The following SLC39A9 variants were observed in gnomAD, a reference collection of about 807,000 sequenced individuals.
SLC39A9 encodes solute carrier family 39 member 9, also known as zinc transporter ZIP9.
SLC39A9 carries 14 observed loss-of-function variants against 28.4 expected under a neutral mutation model. The observed-to-expected ratio is 0.49, with a 90% CI of 0.33 to 0.77. The LOEUF (loss-of-function observed/expected upper bound fraction) is 0.77, where lower values mean the gene tolerates loss of function less well. Ranked by LOEUF, SLC39A9 falls within the 30% of genes least tolerant of loss-of-function variation. The pLI, the probability that SLC39A9 is intolerant of heterozygous loss-of-function variation, is 0.02. For missense variants in SLC39A9, 283 were observed against 381.1 expected (o/e 0.74, Z 2.14); for synonymous variants, 119 against 149.6 (o/e 0.80, Z 1.49).
intron 5 of SLC39A9, 61 bp downstream of exon 5, chr14:69,454,958 G>A (rs1279761201): frequency 1.8e-5 from 23 of 1,243,638 alleles, no homozygotes; most frequent in Admixed American, 7.8e-5. Flanking sequence ...AATTTCTCAT[G>A]GTCCTTAATG....
intron 1 of SLC39A9, among the ~76,000 whole-genome samples, chr14:69,402,621 T>G (rs1385359726): frequency 6.6e-6 from 1 of 152,184 alleles, no homozygotes; most frequent in African/African-American, 2.4e-5. Context: ...TTGATACTTT[T>G]GTGGCCTTCT....
At chr14:69,401,432 G>A (rs1051558980) in intron 1 of SLC39A9, among the ~76,000 whole-genome samples, 1 of 152,204 alleles carries the variant, frequency 6.6e-6, no homozygotes, top group Admixed American at 6.5e-5. Flanking sequence ...ACATGTGTGA[G>A]ATTTGGGTTG....
intron 1 of SLC39A9, among the ~76,000 whole-genome samples, chr14:69,408,787 T>C (rs1045459783): frequency 2.0e-5 from 3 of 152,298 alleles, no homozygotes; most frequent in African/African-American, 4.8e-5. Context: ...AGTTACAGCA[T>C]GGCAGTGGGG....
chr14:69,437,875 T>A (rs575448201), intron 2 of SLC39A9, among the ~76,000 whole-genome samples: 30 of 151,894 alleles, frequency 2.0e-4, no homozygotes, highest in African/African-American at 6.5e-4. Flanking sequence ...CTCAAAAAAA[T>A]CTGTGAAGTA....
In SLC39A9 at chr14:69,458,851, A is replaced by G. The variant is rs960207285; in HGVS notation, c.*258A>G. 8.2e-7 allele frequency: 1 copy of G among 1,220,924 alleles called. No homozygotes were observed. The highest frequency in any genetic ancestry group is 1.0e-6 in the Non-Finnish European group (1 of 977,382). 75.6% of individuals were successfully genotyped at this position (1,220,924 alleles called of 1,614,324 possible). ...GGCCCTTGACATTTTGCGTTTTAAT[A>G]TTTCTCTTAACCCTATTCTCAGGGA... On this transcript the variant is annotated 3_prime_UTR_variant, in exon 7 of 7. Transcript: ENST00000336643.
chr14:69,413,703 T>C (rs981020385), intron 1 of SLC39A9, among the ~76,000 whole-genome samples: 2 of 152,186 alleles, frequency 1.3e-5, no homozygotes, highest in African/African-American at 4.8e-5. Flanking sequence ...AAAGGTTGCA[T>C]GAATATCATC....
chr14:69,441,122 T>A (rs1055360859), intron 2 of SLC39A9, among the ~76,000 whole-genome samples: 2 of 152,044 alleles, frequency 1.3e-5, no homozygotes, highest in Admixed American at 6.5e-5. Context: ...TACAAAAAAA[T>A]TTTCAAATTA....
At chr14:69,403,974 C>T (rs1018106843) in intron 1 of SLC39A9, among the ~76,000 whole-genome samples, 13 of 152,094 alleles carry the variant, frequency 8.5e-5, no homozygotes, top group South Asian at 2.1e-4. Flanking sequence ...ACCTGGGAGG[C>T]GGAGGTTGCA....
rs977600231 is a variant in SLC39A9, at chr14:69,461,218, G to A, written c.*2625G>A. 1.3e-5 allele frequency: 13 copies of A among 987,516 alleles called. No individual in the cohort carries two copies. The highest frequency in any genetic ancestry group is 3.5e-5 in the African/African-American group (2 of 57,246). The allele number at this position is 987,516 out of a possible 1,614,324, so 61.2% of individuals were successfully genotyped here. On this transcript the variant is annotated 3_prime_UTR_variant, in exon 7 of 7. Transcript: ENST00000336643. ...CATATAACCAAAGTTAATCTTAATT[G>A]CAATTTGACTCCGTTTCCTTGGTAG...
Position 69,461,513 on chromosome 14 carries a change from CT to C in SLC39A9, c.*2921del. 1.4e-6 allele frequency: 2 copies of C among 1,437,668 alleles called. No homozygotes were observed. The highest frequency in any genetic ancestry group is 1.8e-6 in the Non-Finnish European group (2 of 1,099,630). The allele number at this position is 1,437,668 out of a possible 1,614,324, so 89.1% of individuals were successfully genotyped here. On this transcript the variant is annotated 3_prime_UTR_variant, in exon 7 of 7. Transcript: ENST00000336643. ...GTTTTCTCTTTCTCCCCGCTTTCACCTCTTTCTTTCCCAATTCAAAACAGCC... is the reference window on the plus strand; with the variant it reads ...GTTTTCTCTTTCTCCCCGCTTTCACCCTTTCTTTCCCAATTCAAAACAGCC...
chr14:69,433,341 A>G (rs1884585594), intron 2 of SLC39A9, among the ~76,000 whole-genome samples: 1 of 152,108 alleles, frequency 6.6e-6, no homozygotes, highest in African/African-American at 2.4e-5. Context: ...CAATTTACTA[A>G]TATTTTATTA....
At chr14:69,442,995 C>A (rs139828083) in intron 3 of SLC39A9, among the ~76,000 whole-genome samples, 2 of 152,298 alleles carry the variant, frequency 1.3e-5, no homozygotes, top group East Asian at 3.9e-4. Context: ...TCATAAGCTT[C>A]TCTAAAGGAC....
chr14:69,438,326 C>G (rs1431371849), intron 2 of SLC39A9, among the ~76,000 whole-genome samples: 7 of 152,128 alleles, frequency 4.6e-5, no homozygotes, highest in African/African-American at 1.7e-4. Context: ...TGACCCCCCT[C>G]TTTCTTTATT....
chr14:69,407,688 G>A (rs996032813), intron 1 of SLC39A9, among the ~76,000 whole-genome samples: 9 of 149,084 alleles, frequency 6.0e-5, no homozygotes, highest in Non-Finnish European at 1.2e-4. Context: ...GCCCAGGCTG[G>A]AGTGCAATGG....
intron 1 of SLC39A9, among the ~76,000 whole-genome samples, chr14:69,405,327 C>G (rs1478783205): frequency 6.6e-6 from 1 of 152,210 alleles, no homozygotes; most frequent in Non-Finnish European, 1.5e-5. Context: ...TCTGCCTCTA[C>G]AATAGGTTCT....
At chr14:69,447,580 G>A (rs1299649637) in intron 3 of SLC39A9, among the ~76,000 whole-genome samples, 1 of 152,134 alleles carries the variant, frequency 6.6e-6, no homozygotes, top group Non-Finnish European at 1.5e-5. Context: ...CCTGAACCAT[G>A]CTTGGCAGAC....
intron 2 of SLC39A9, among the ~76,000 whole-genome samples, chr14:69,434,031 C>T (rs1884620631): frequency 6.6e-6 from 1 of 151,366 alleles, no homozygotes; most frequent in Non-Finnish European, 1.5e-5. Context: ...GTAATCCTCC[C>T]ACCTCGGCCT....
intron 3 of SLC39A9, among the ~76,000 whole-genome samples, chr14:69,446,645 G>T (rs1885319035): frequency 6.6e-6 from 1 of 151,936 alleles, no homozygotes; most frequent in South Asian, 2.1e-4. Flanking sequence ...GGCCTAGGCG[G>T]GTGCATCACC....
In SLC39A9 at chr14:69,458,571, T is replaced by C; in HGVS notation, c.902T>C (p.Leu301Pro). ...LVLGCLIPLI[L>P]SVGHQH ...CTGGGTTGCCTCATCCCTCTCATCCTGTCAGTAGGACACCAGCATTAAATG... is the reference window on the plus strand; with the variant it reads ...CTGGGTTGCCTCATCCCTCTCATCCCGTCAGTAGGACACCAGCATTAAATG... The change falls in exon 7 of 7, where the codon CTG becomes CCG. Residue 301 changes from leucine to proline, a missense_variant. Transcript: ENST00000336643. The C allele has an allele frequency of 6.2e-7, 1 of 1,613,238 alleles. No individual in the cohort carries two copies. Among genetic ancestry groups the C allele is most frequent in the Non-Finnish European group, 8.5e-7 (1 of 1,179,376 alleles).
Sources: allele counts gnomAD v4.1 joint callset (sites outside exome capture counted in the v4.1 genomes callset), GRCh38; gene constraint gnomAD v4.1.1; transcripts MANE v1.5; gene names NCBI Gene and HGNC (gene_info 2026-07-23, HGNC 2026-07-21).